ATP13A5: variants seen among roughly 807,000 people sequenced by gnomAD.
ATP13A5 encodes the protein probable cation-transporting ATPase 13A5.
A neutral mutation model predicts 150.2 loss-of-function variants in ATP13A5; 149 were observed. The observed-to-expected ratio is 0.99, with a 90% confidence interval of 0.87 to 1.14. ATP13A5 has a LOEUF of 1.14. ATP13A5 is among the 50% of genes most tolerant of loss of function. The probability of loss-of-function intolerance (pLI) is 0.00; values close to 1 mark genes in which losing one functional copy is unlikely to be tolerated. For missense variants in ATP13A5, 1,383 were observed against 1,449.3 expected (o/e 0.95, Z 0.74); for synonymous variants, 497 against 522.2 (o/e 0.95, Z 0.66).
intron 11 of ATP13A5, among the ~76,000 whole-genome samples, chr3:193,332,820 T>C (rs1711686716): frequency 6.6e-6 from 1 of 152,060 alleles, no homozygotes. Context: ...GTGTATTGGA[T>C]GTTAAGTTCT....
At chr3:193,298,955 C>T (rs111590714) in intron 25 of ATP13A5, among the ~76,000 whole-genome samples, 176 bp downstream of exon 25, 15 of 152,036 alleles carry the variant, frequency 9.9e-5, no homozygotes, top group Non-Finnish European at 1.8e-4. Context: ...TGTTTTAATG[C>T]CAAGTCTCAG....
In ATP13A5 at chr3:193,334,979, TGGA is replaced by T. The variant is rs771676472; in HGVS notation, c.1061_1063del (p.Ile354_Gln355delinsLys). 12 of 1,613,964 alleles carry T rather than the reference TGGA, an allele frequency of 7.4e-6. No homozygotes were observed. In the South Asian group the frequency reaches 1.3e-4, roughly 18 times the overall value. On this transcript the variant is annotated inframe_deletion, in exon 10 of 30. Transcript: ENST00000342358. ...AGGCCCCTGCCCAGAGGGCTTGACC[TGGA>T]TAACTTCTGTTCCACAGAAAAGGAC...
intron 5 of ATP13A5, 126 bp downstream of exon 5, chr3:193,362,255 C>A: frequency 1.2e-6 from 1 of 817,702 alleles, no homozygotes; most frequent in Admixed American, 2.2e-5. Context: ...TCTCCGCTGC[C>A]AGTAAATGAA....
At chr3:193,371,584 C>T (rs556696192) in intron 1 of ATP13A5, among the ~76,000 whole-genome samples, 2 of 152,190 alleles carry the variant, frequency 1.3e-5, no homozygotes, top group South Asian at 2.1e-4. Context: ...TGGCAGAATT[C>T]GGTTCCTTGC....
intron 9 of ATP13A5, among the ~76,000 whole-genome samples, chr3:193,339,519 T>C (rs553114620): frequency 6.6e-6 from 1 of 152,348 alleles, no homozygotes; most frequent in East Asian, 1.9e-4. Context: ...ACTCATTTTC[T>C]GCTGTGATGT....
At chr3:193,334,613 T>C (rs1395448773) in intron 10 of ATP13A5, among the ~76,000 whole-genome samples, 1 of 152,100 alleles carries the variant, frequency 6.6e-6, no homozygotes, top group Non-Finnish European at 1.5e-5. Context: ...GCTGAAATTG[T>C]TTTTTGGTAA....
intron 7 of ATP13A5, among the ~76,000 whole-genome samples, chr3:193,350,766 A>C (rs868783891): frequency 6.6e-6 from 1 of 152,158 alleles, no homozygotes; most frequent in Non-Finnish European, 1.5e-5. Context: ...TTCTCCTAAA[A>C]CTATGGCTGG....
At chr3:193,351,938 G>T (rs1174544225) in intron 6 of ATP13A5, among the ~76,000 whole-genome samples, 3 of 152,168 alleles carry the variant, frequency 2.0e-5, no homozygotes, top group Non-Finnish European at 4.4e-5. Flanking sequence ...CTAATAATGA[G>T]AGCAGAGAGG....
chr3:193,336,321 C>T (rs892751430), intron 9 of ATP13A5, among the ~76,000 whole-genome samples: 2 of 152,096 alleles, frequency 1.3e-5, no homozygotes, highest in African/African-American at 2.4e-5. Flanking sequence ...ATGTGCCATG[C>T]TGGTGTGCTG....
chr3:193,314,136 CCTGGAGGGATCATTTCAGAATTCT>C lies in ATP13A5; in HGVS notation c.2192_2215del (p.Lys731_Gly739delinsSer). 1 of 1,613,912 alleles carries C rather than the reference CCTGGAGGGATCATTTCAGAATTCT, an allele frequency of 6.2e-7. No homozygotes were observed. The highest frequency in any genetic ancestry group is 1.3e-5 in the African/African-American group (1 of 75,028). On this transcript the variant is annotated inframe_deletion, in exon 19 of 30. Coordinates refer to ENST00000342358, the MANE Select transcript of ATP13A5 (RefSeq NM_198505.4). ...GGCCTCAACAATGATCACTTGGCTG[CCTGGAGGGATCATTTCAGAATTCT>C]TTGCAACAGTAATGGCCGTTTGAAG...
Position 193,322,530 on chromosome 3 carries a change from T to A in ATP13A5, c.1719A>T (p.Ser573=). 6.2e-7 allele frequency: 1 copy of A among 1,614,008 alleles called. No homozygotes were observed. The highest frequency in any genetic ancestry group is 8.5e-7 in the Non-Finnish European group (1 of 1,179,900). The change falls in exon 15 of 30, where the codon TCA becomes TCT. Residue 573 remains serine (S), a synonymous_variant. Transcript: ENST00000342358. Reference sequence around the variant, plus strand: ...GTCCTGGTTTTATGATGTTTGAAACTGACGTCCCAAATTTGCAGGAGTCTA... The same window carrying A: ...GTCCTGGTTTTATGATGTTTGAAACAGACGTCCCAAATTTGCAGGAGTCTA... ...CIVDSCKFGT[S]VSNIIKPGPK...
At chr3:193,311,243 A>G (rs1288119354) in intron 20 of ATP13A5, among the ~76,000 whole-genome samples, 2 of 152,188 alleles carry the variant, frequency 1.3e-5, no homozygotes, top group African/African-American at 4.8e-5. Flanking sequence ...TTTGACTGCT[A>G]GGGTGACAGA....
At chr3:193,323,761 C>T (rs1347693936) in intron 14 of ATP13A5, 19 of 152,178 alleles carry the variant, frequency 1.2e-4, no homozygotes, top group Admixed American at 1.2e-3. Context: ...TCCCTTTTTA[C>T]CAGGTTTCCT....
At chr3:193,346,261 C>T (rs897198043) in intron 7 of ATP13A5, among the ~76,000 whole-genome samples, 5 of 152,022 alleles carry the variant, frequency 3.3e-5, no homozygotes, top group African/African-American at 9.7e-5. Context: ...TGTGAGAGCA[C>T]GTTAACTGGA....
chr3:193,350,019 A>G (rs1056181382), intron 7 of ATP13A5, among the ~76,000 whole-genome samples: 1 of 152,110 alleles, frequency 6.6e-6, no homozygotes, highest in Non-Finnish European at 1.5e-5. Context: ...CAAGTAACGG[A>G]ATAGTTGAAT....
chr3:193,284,655 A>G (rs763248616), intron 27 of ATP13A5, among the ~76,000 whole-genome samples: 2 of 152,224 alleles, frequency 1.3e-5, no homozygotes, highest in African/African-American at 4.8e-5. Flanking sequence ...ACATGCATGT[A>G]TGTGTTTAAA....
intron 9 of ATP13A5, among the ~76,000 whole-genome samples, chr3:193,336,427 C>T (rs751288080): frequency 9.9e-5 from 15 of 152,084 alleles, no homozygotes; most frequent in Non-Finnish European, 1.8e-4. Context: ...GTGATGTTCC[C>T]CTTCCTGTGT....
rs551706093 is a variant in ATP13A5 at position 193,310,659 on chromosome 3, A to G, written c.2504T>C (p.Ile835Thr). Reference sequence around the variant, plus strand: ...CTACTTTAATTTCTGAAATTCTTCAATAAGGCTTGATTTCTGCCCAGGAGA... The same window carrying G: ...CTACTTTAATTTCTGAAATTCTTCAGTAAGGCTTGATTTCTGCCCAGGAGA... ...RMSPGQKSSL[I>T]EEFQKLNYYV... Residue 835 changes from isoleucine to threonine, a missense_variant, in exon 21 of 30, where the codon ATT (isoleucine) becomes ACT (threonine). Ile to Thr is a moderately conservative substitution (Grantham distance 89). Coordinates refer to ENST00000342358, the MANE Select transcript of ATP13A5 (RefSeq NM_198505.4). The G allele has an allele frequency of 1.4e-5, 23 of 1,607,382 alleles. No homozygotes were observed. Among genetic ancestry groups the G allele is most frequent in the Admixed American group, 3.4e-5 (2 of 58,260 alleles).
intron 13 of ATP13A5, among the ~76,000 whole-genome samples, chr3:193,325,348 CAG>C (rs1719431688): frequency 6.6e-6 from 1 of 152,194 alleles, no homozygotes; most frequent in African/African-American, 2.4e-5. Flanking sequence ...ATTTTTTAAA[CAG>C]GGTGTTTTGC....
Sources: gnomAD v4.1 joint callset for allele counts (sites outside exome capture counted in the v4.1 genomes callset) on GRCh38, gnomAD v4.1.1 for gene constraint, MANE v1.5 for transcripts, NCBI Gene and HGNC (gene_info 2026-07-23, HGNC 2026-07-21) for gene names.